CAMSAP3: variants seen among roughly 807,000 people sequenced by gnomAD.
CAMSAP3 encodes calmodulin regulated spectrin associated protein family member 3.
A neutral mutation model predicts 112.5 loss-of-function variants in CAMSAP3; 34 were observed. The observed-to-expected ratio is 0.30, with a 90% CI of 0.23 to 0.40. The LOEUF is 0.40. Ranked by LOEUF, CAMSAP3 falls within the 10% of genes least tolerant of loss-of-function variation. The pLI, the probability that CAMSAP3 is intolerant of heterozygous loss-of-function variation, is 1.00. For missense variants in CAMSAP3, 1,602 were observed against 1,770.3 expected (o/e 0.90, Z 1.71); for synonymous variants, 868 against 799.8 (o/e 1.09, Z -1.44).
chr19:7,607,322 A>C lies in CAMSAP3; in HGVS notation c.621+751A>C, dbSNP rs1305387468. Among the ~76,000 whole-genome samples the C allele has an allele frequency of 6.6e-6, 1 of 152,206 alleles. No individual in the cohort carries two copies. Among genetic ancestry groups the C allele is most frequent in the Non-Finnish European group, 1.5e-5 (1 of 68,028 alleles). On this transcript the variant is annotated intron_variant, in intron 4 of 16. Transcript: ENST00000160298. This position sits in a 1 kb window ranked among gnomAD's most constrained non-coding sequence, Gnocchi z 4.9. ...CCCTAGAGAAAAATCCCAGCTTTGA[A>C]AAGGAGGAGGAGGCCCATCCCTGAA... is the stretch of plus-strand genomic sequence containing the variant.
intron 1 of CAMSAP3, among the ~76,000 whole-genome samples, chr19:7,602,825 C>A (rs111494154): frequency 0.012 from 1,770 of 150,624 alleles, 45 homozygotes; most frequent in African/African-American, 0.041. Context: ...GGGCACAGAG[C>A]CCAGGCGAGA....
chr19:7,606,630 G>T (rs2030241705), intron 4 of CAMSAP3, 59 bp downstream of exon 4: 8 of 1,526,928 alleles, frequency 5.2e-6, no homozygotes. Context: ...GGGAGGGCAG[G>T]GCTGTGCTTC....
intron 1 of CAMSAP3, among the ~76,000 whole-genome samples, chr19:7,600,729 T>C (rs1348091459): frequency 1.6e-4 from 1 of 6,134 alleles, no homozygotes. Flanking sequence ...CATCCACCCA[T>C]CCATCCACCC....
chr19:7,616,636 G>C lies in CAMSAP3; in HGVS notation c.3212+14G>C. Reference sequence around the variant, plus strand: ...GCCCACGTCTCGGTGAGTTTAGCCCGCACAGGCGGGGTTCGTATGCCGGGT... The same window carrying C: ...GCCCACGTCTCGGTGAGTTTAGCCCCCACAGGCGGGGTTCGTATGCCGGGT... On this transcript the variant is annotated intron_variant, in intron 14 of 16. Transcript: ENST00000160298. The C allele has an allele frequency of 1.9e-6, 3 of 1,586,460 alleles. No individual in the cohort carries two copies. The highest frequency in any genetic ancestry group is 2.6e-6 in the Non-Finnish European group (3 of 1,164,396).
intron 1 of CAMSAP3, among the ~76,000 whole-genome samples, chr19:7,602,483 C>T (rs977480297): frequency 2.6e-5 from 4 of 151,908 alleles, no homozygotes; most frequent in Admixed American, 6.6e-5. Flanking sequence ...TGCCCAAGGC[C>T]GGGGCTGGGG....
chr19:7,608,515 T>C (rs565398246), intron 5 of CAMSAP3, among the ~76,000 whole-genome samples: 72 of 152,226 alleles, frequency 4.7e-4, no homozygotes, highest in African/African-American at 1.7e-3. Flanking sequence ...GTATGGAGTG[T>C]GGACTGTGTG....
Position 7,618,235 on chromosome 19 carries a change from G to A in CAMSAP3, c.*178G>A. On this transcript the variant is annotated 3_prime_UTR_variant, in exon 17 of 17. Transcript: ENST00000160298. ...GTGGGGGCTGAGCTGGGAGGTTCAGGGACTCAGGGCTCAGCTCAGTCCCCT... is the reference window on the plus strand; with the variant it reads ...GTGGGGGCTGAGCTGGGAGGTTCAGAGACTCAGGGCTCAGCTCAGTCCCCT... 3.1e-6 allele frequency: 2 copies of A among 651,268 alleles called. No homozygotes were observed. Among genetic ancestry groups the A allele is most frequent in the Non-Finnish European group, 5.2e-6 (2 of 384,092 alleles). 40.3% of individuals were successfully genotyped at this position (651,268 alleles called of 1,614,324 possible). A position where few individuals can be genotyped will look rare whatever the true frequency, so the allele number is the denominator to read the frequency against.
chr19:7,601,212 T>G (rs2029951667), intron 1 of CAMSAP3, among the ~76,000 whole-genome samples: 1 of 152,222 alleles, frequency 6.6e-6, no homozygotes, highest in Non-Finnish European at 1.5e-5. Flanking sequence ...GTGGGATATG[T>G]CTTGGGTCAA....
At position 7,613,009 on chromosome 19, in the gene CAMSAP3, CCCGGCCGGG is replaced by C. The variant is rs2030590397; in HGVS notation, c.2519_2527del (p.Arg840_Gly842del). On this transcript the variant is annotated inframe_deletion, in exon 11 of 17. Transcript: ENST00000160298. ...GAGACGCCCCCCGAGGAGCCAGCCG[CCCGGCCGGG>C]CCTCATCGAGATCCCGCTGGGCAGC... 1 of 1,564,050 alleles carries C rather than the reference CCCGGCCGGG, an allele frequency of 6.4e-7. No individual in the cohort carries two copies. Among genetic ancestry groups the C allele is most frequent in the East Asian group, 2.4e-5 (1 of 41,200 alleles).
chr19:7,614,756 C>T (rs1294759279), intron 11 of CAMSAP3: 2 of 218,076 alleles, frequency 9.2e-6, no homozygotes, highest in Non-Finnish European at 1.8e-5. Context: ...GGCCTCGGCA[C>T]TAGCTGTCCC....
At chr19:7,608,102 A>C (rs773909989) in intron 4 of CAMSAP3, 24 bp from the exon 5 acceptor site, 2 of 1,604,798 alleles carry the variant, frequency 1.2e-6, no homozygotes, top group East Asian at 2.2e-5. Context: ...CTGGCCACTC[A>C]CCTGACCTGG....
Position 7,617,509 on chromosome 19 carries a change from G to GCCCCCCCCCCCCCCCCCCCCCCCCC in CAMSAP3, c.3326-28_3326-27insCCCCCCCCCCCCCCCCCCCCCCCCC. On this transcript the variant is annotated intron_variant, in intron 15 of 16. Transcript: ENST00000160298. This position sits in a 1 kb window ranked among gnomAD's most constrained non-coding sequence, Gnocchi z 7.5. ...TCCACAGCCCCTGCTCATTCCTGCTGCCCCCCACCCCCTCCCACTGCCTCA... is the reference window on the plus strand; with the variant it reads ...TCCACAGCCCCTGCTCATTCCTGCTGCCCCCCCCCCCCCCCCCCCCCCCCCCCCCCCACCCCCTCCCACTGCCTCA... 6.2e-7 allele frequency: 1 copy of GCCCCCCCCCCCCCCCCCCCCCCCCC among 1,608,454 alleles called. No individual in the cohort carries two copies. Among genetic ancestry groups the GCCCCCCCCCCCCCCCCCCCCCCCCC allele is most frequent in the Non-Finnish European group, 8.5e-7 (1 of 1,175,024 alleles).
intron 1 of CAMSAP3, among the ~76,000 whole-genome samples, chr19:7,604,226 C>G (rs1219772424): frequency 6.6e-6 from 1 of 152,094 alleles, no homozygotes; most frequent in Non-Finnish European, 1.5e-5. Flanking sequence ...CCCTGCCAAG[C>G]CTTCCTGGCC....
In CAMSAP3 at chr19:7,611,671, C is replaced by G; in HGVS notation, c.1194-16C>G. ...AGGCTGGTCCCAGGGGCTGACCCCT[C>G]CCTCCGGCCGCCCAGCCGTCCCCTC... On this transcript the variant is annotated splice_polypyrimidine_tract_variant and intron_variant, in intron 10 of 16. Coordinates refer to ENST00000160298, the MANE Select transcript of CAMSAP3 (RefSeq NM_020902.2). This position sits in a 1 kb window ranked among gnomAD's most constrained non-coding sequence, Gnocchi z 6.9. 1 of 1,567,096 alleles carries G rather than the reference C, an allele frequency of 6.4e-7. No individual in the cohort carries two copies. The highest frequency in any genetic ancestry group is 1.2e-5 in the South Asian group (1 of 86,244).
Position 7,607,860 on chromosome 19 carries a change from C to A in CAMSAP3, c.622-266C>A. 3 of 1,308,820 alleles carry A rather than the reference C, an allele frequency of 2.3e-6. No homozygotes were observed. The highest frequency in any genetic ancestry group is 2.1e-6 in the Non-Finnish European group (2 of 952,144). 81.1% of individuals were successfully genotyped at this position (1,308,820 alleles called of 1,614,324 possible). A position where few individuals can be genotyped will look rare whatever the true frequency, so the allele number is the denominator to read the frequency against. On this transcript the variant is annotated intron_variant, in intron 4 of 16. Coordinates refer to ENST00000160298, the MANE Select transcript of CAMSAP3 (RefSeq NM_020902.2). The surrounding 1 kb of genome is among the most constrained non-coding windows in gnomAD (Gnocchi z 4.9). ...CTGTTTGAAGGAGTCGGGGAGCAAACCCCCCATGGTAATGTATCCCCCGCC... is the reference window on the plus strand; with the variant it reads ...CTGTTTGAAGGAGTCGGGGAGCAAAACCCCCATGGTAATGTATCCCCCGCC...
At position 7,615,966 on chromosome 19, in the gene CAMSAP3, G is replaced by A. The variant is rs2030765639; in HGVS notation, c.3112+247G>A. On this transcript the variant is annotated intron_variant, in intron 13 of 16. Transcript: ENST00000160298. The surrounding 1 kb of genome is among the most constrained non-coding windows in gnomAD (Gnocchi z 6.5). ...GCACTTTGGGAGGCTGAGGCGGGCG[G>A]ATCACCTGAGGTCAGGAGTTTGAGA... 6.6e-6 allele frequency among the ~76,000 whole-genome samples: 1 copy of A among 152,050 alleles called. No individual in the cohort carries two copies. The highest frequency in any genetic ancestry group is 6.6e-5 in the Admixed American group (1 of 15,264).
chr19:7,598,741 T>TGCACCACTGCACTCCA, intron 1 of CAMSAP3, among the ~76,000 whole-genome samples: 1 of 151,768 alleles, frequency 6.6e-6, no homozygotes, highest in Non-Finnish European at 1.5e-5. Flanking sequence ...GAGCCGAGAT[T>TGCACCACTGCACTCCA]GCACCACTGC....
rs748239790 is a variant in CAMSAP3, at chr19:7,615,150, G to T, written c.2671-33G>T. 3.7e-5 allele frequency: 57 copies of T among 1,552,862 alleles called. 1 individual carries two copies. The South Asian group carries it at 6.6e-4, about 18-fold the overall frequency. On this transcript the variant is annotated intron_variant, in intron 11 of 16. Coordinates refer to ENST00000160298, the MANE Select transcript of CAMSAP3 (RefSeq NM_020902.2). The surrounding 1 kb of genome is among the most constrained non-coding windows in gnomAD (Gnocchi z 6.5). ...GGGCCTCCAGCCATGTTGGGGGAGG[G>T]GGTGGCTGGCTGGACTCGGCGTCTG...
chr19:7,601,461 G>A (rs1033824245), intron 1 of CAMSAP3, among the ~76,000 whole-genome samples: 3 of 152,122 alleles, frequency 2.0e-5, no homozygotes, highest in African/African-American at 7.2e-5. Flanking sequence ...TGGGATTACA[G>A]ACATGCGCCA....
Sources: allele counts gnomAD v4.1 joint callset (sites outside exome capture counted in the v4.1 genomes callset), GRCh38; gene constraint gnomAD v4.1.1; non-coding constraint Gnocchi (gnomAD v3.1); transcripts MANE v1.5; gene names NCBI Gene and HGNC (gene_info 2026-07-23, HGNC 2026-07-21).